GALNTL6: variants seen among roughly 807,000 people sequenced by gnomAD.
GALNTL6 encodes polypeptide N-acetylgalactosaminyltransferase like 6, also known as polypeptide N-acetylgalactosaminyltransferase-like 6.
GALNTL6 carries 46 observed loss-of-function variants against 73.7 expected under a neutral mutation model. The ratio of observed to expected loss-of-function variants is 0.62; its 90% CI spans 0.49 to 0.80. The LOEUF is 0.80. Among genes scored for constraint, GALNTL6 ranks in the 30% least tolerant of loss-of-function variants. GALNTL6 has a pLI of 0.00. For synonymous variants in GALNTL6, 259 were observed against 263.7 expected (o/e 0.98, Z 0.17); for missense variants, 604 against 755.0 (o/e 0.80, Z 2.34).
intron 2 of GALNTL6, among the ~76,000 whole-genome samples, chr4:172,076,942 A>C (rs2110913681): frequency 6.6e-6 from 1 of 152,284 alleles, no homozygotes; most frequent in South Asian, 2.1e-4. Flanking sequence ...ATAGTGACTG[A>C]GTTCTCACAA....
chr4:172,040,216 C>CAT (rs3081406), intron 2 of GALNTL6, among the ~76,000 whole-genome samples: 81,013 of 151,556 alleles, frequency 0.53, 23,081 homozygotes, highest in East Asian at 0.68. Flanking sequence ...CTATGAAAGA[C>CAT]ATTTTGTGTA....
At chr4:172,666,647 T>C in intron 5 of GALNTL6, 1 of 152,320 alleles carries the variant, frequency 6.6e-6, no homozygotes. Context: ...CTCATTTTTC[T>C]TTAAAAAACT....
chr4:172,793,115 A>G (rs1382805268), intron 5 of GALNTL6, among the ~76,000 whole-genome samples: 1 of 152,178 alleles, frequency 6.6e-6, no homozygotes, highest in Non-Finnish European at 1.5e-5. Flanking sequence ...TTTGTACCAC[A>G]TTTGTATTAC....
chr4:172,329,588 G>C (rs1477262025), intron 4 of GALNTL6, among the ~76,000 whole-genome samples: 1 of 152,104 alleles, frequency 6.6e-6, no homozygotes, highest in Non-Finnish European at 1.5e-5. Context: ...CCTCAGTACA[G>C]AGATCCCACC....
At chr4:172,331,649 G>A (rs1477912782) in intron 4 of GALNTL6, among the ~76,000 whole-genome samples, 2 of 152,084 alleles carry the variant, frequency 1.3e-5, no homozygotes, top group African/African-American at 2.4e-5. Context: ...TTCTGAGACT[G>A]GCTTATTTAA....
chr4:172,187,127 G>A (rs1004886450), intron 2 of GALNTL6, among the ~76,000 whole-genome samples: 3 of 151,848 alleles, frequency 2.0e-5, no homozygotes, highest in African/African-American at 4.8e-5. Flanking sequence ...AAATTGTAAA[G>A]TTTAATTTTT....
At chr4:172,087,302 G>A (rs991068633) in intron 2 of GALNTL6, among the ~76,000 whole-genome samples, 16 of 151,924 alleles carry the variant, frequency 1.1e-4, no homozygotes, top group South Asian at 2.1e-4. Flanking sequence ...AAAATTAGCC[G>A]GGCGTGGGGG....
At chr4:172,896,599 G>A (rs1406825215) in intron 8 of GALNTL6, among the ~76,000 whole-genome samples, 1 of 152,036 alleles carries the variant, frequency 6.6e-6, no homozygotes, top group Non-Finnish European at 1.5e-5. Flanking sequence ...GGAGAACTTG[G>A]ATTGAGACTG....
intron 5 of GALNTL6, among the ~76,000 whole-genome samples, chr4:172,407,622 T>C (rs1203037706): frequency 6.6e-6 from 1 of 152,098 alleles, no homozygotes; most frequent in Admixed American, 6.6e-5. Context: ...AATTCATTTT[T>C]GGATTATGTC....
At chr4:172,626,771 C>T (rs1165700512) in intron 5 of GALNTL6, among the ~76,000 whole-genome samples, 6 of 152,052 alleles carry the variant, frequency 3.9e-5, no homozygotes, top group Non-Finnish European at 2.9e-5. Context: ...AATGGCATTG[C>T]ATTCTTGATT....
In GALNTL6 at chr4:172,971,160, C is replaced by T. The variant is rs558732859; in HGVS notation, c.1371+18902C>T. On this transcript the variant is annotated intron_variant, in intron 10 of 12. Coordinates refer to ENST00000506823, the MANE Select transcript of GALNTL6 (RefSeq NM_001034845.3). ...GCTCCCTTCCCTCTTTCTGTCACCC[C>T]CATAGGATGATGCAGCAAGAAGGGC... Among the ~76,000 whole-genome samples the T allele has an allele frequency of 1.2e-3, 190 of 152,260 alleles. 1 individual carries two copies. The highest frequency in any genetic ancestry group is 3.5e-3 in the African/African-American group (147 of 41,556).
chr4:172,381,230 C>A (rs1328840698), intron 5 of GALNTL6, among the ~76,000 whole-genome samples: 1 of 152,134 alleles, frequency 6.6e-6, no homozygotes, highest in Non-Finnish European at 1.5e-5. Context: ...TCCTTTAAAG[C>A]TATTTCCTTT....
chr4:172,864,603 C>A (rs1055013206), intron 7 of GALNTL6, among the ~76,000 whole-genome samples: 1 of 152,062 alleles, frequency 6.6e-6, no homozygotes, highest in Non-Finnish European at 1.5e-5. Context: ...GTTTTTTTCA[C>A]TTATAATATA....
chr4:171,899,090 T>C (rs1027110756), intron 2 of GALNTL6, among the ~76,000 whole-genome samples: 6 of 151,750 alleles, frequency 4.0e-5, no homozygotes, highest in Non-Finnish European at 7.4e-5. Context: ...TTAGTATTTA[T>C]TAATACTAAA....
intron 2 of GALNTL6, among the ~76,000 whole-genome samples, chr4:171,962,031 C>T (rs1014290578): frequency 5.3e-5 from 8 of 152,130 alleles, no homozygotes; most frequent in East Asian, 1.9e-4. Context: ...TTTGTCAGAA[C>T]GCAAAAGTTA....
At chr4:171,911,521 C>A (rs776752207) in intron 2 of GALNTL6, among the ~76,000 whole-genome samples, 1 of 152,122 alleles carries the variant, frequency 6.6e-6, no homozygotes, top group South Asian at 2.1e-4. Context: ...AGAAATGCAA[C>A]CCCTGTAGGA....
intron 2 of GALNTL6, among the ~76,000 whole-genome samples, chr4:171,858,220 T>C (rs1251168345): frequency 6.6e-6 from 1 of 152,178 alleles, no homozygotes; most frequent in African/African-American, 2.4e-5. Flanking sequence ...GACTTATTTG[T>C]ATGATCATTT....
intron 5 of GALNTL6, among the ~76,000 whole-genome samples, chr4:172,486,724 T>C (rs971408334): frequency 2.6e-5 from 4 of 152,236 alleles, no homozygotes; most frequent in Non-Finnish European, 5.9e-5. Flanking sequence ...TCATGCACAA[T>C]CTGTCCTTTA....
chr4:172,056,030 G>T (rs1731010177), intron 2 of GALNTL6, among the ~76,000 whole-genome samples: 1 of 152,036 alleles, frequency 6.6e-6, no homozygotes, highest in African/African-American at 2.4e-5. Context: ...GAGTATTTGG[G>T]AAACCAAATA....
Sources: allele counts gnomAD v4.1 joint callset (sites outside exome capture counted in the v4.1 genomes callset), GRCh38; gene constraint gnomAD v4.1.1; transcripts MANE v1.5; gene names NCBI Gene and HGNC (gene_info 2026-07-23, HGNC 2026-07-21).